MEIS2: variants seen among roughly 807,000 people sequenced by gnomAD.
MEIS2 encodes the protein Meis homeobox 2.
A neutral mutation model predicts 58.6 loss-of-function variants in MEIS2; 9 were observed. The observed-to-expected ratio is 0.15, with a 90% CI of 0.09 to 0.27. The LOEUF (loss-of-function observed/expected upper bound fraction) is 0.27, where lower values mean the gene tolerates loss of function less well. MEIS2 is among the 10% of genes least tolerant of loss of function. MEIS2 has a pLI of 1.00. For synonymous variants in MEIS2, 221 were observed against 228.4 expected, an observed-to-expected ratio of 0.97 and a Z score of 0.29; for missense variants, 427 against 635.0, an observed-to-expected ratio of 0.67 and a Z score of 3.52.
intron 7 of MEIS2, among the ~76,000 whole-genome samples, chr15:37,068,017 C>T (rs554018137): frequency 6.6e-6 from 1 of 152,264 alleles, no homozygotes; most frequent in South Asian, 2.1e-4. Flanking sequence ...CAACCCAGCA[C>T]ATAGATCTTC....
intron 9 of MEIS2, chr15:36,904,088 A>C (rs898842860): frequency 6.6e-5 from 10 of 151,710 alleles, no homozygotes; most frequent in Non-Finnish European, 1.3e-4. Context: ...CAAAAATGTC[A>C]CTCCTTTGAT....
At chr15:37,015,102 C>T (rs184578534) in intron 8 of MEIS2, among the ~76,000 whole-genome samples, 130 of 152,340 alleles carry the variant, frequency 8.5e-4, no homozygotes, top group African/African-American at 2.7e-3. Context: ...TTTAGCGGAA[C>T]GCTATGCCAT....
intron 6 of MEIS2, among the ~76,000 whole-genome samples, chr15:37,088,951 A>G (rs921943359): frequency 4.6e-5 from 7 of 152,342 alleles, no homozygotes; most frequent in East Asian, 1.9e-4. Flanking sequence ...GTGGTTGTCA[A>G]TTACAACCTT....
rs986781443 is a variant in MEIS2 at position 36,890,935 on chromosome 15, C to T, written c.*1238G>A. Reference sequence around the variant, plus strand: ...ATTGATGAGTTTAAAATATACTCAACTGCTGGGGGGAAAAACCTACTTTTA... The same window carrying T: ...ATTGATGAGTTTAAAATATACTCAATTGCTGGGGGGAAAAACCTACTTTTA... On this transcript the variant is annotated 3_prime_UTR_variant, in exon 12 of 12. Transcript: ENST00000561208. 1 of 152,442 alleles carries T rather than the reference C, an allele frequency of 6.6e-6. No individual in the cohort carries two copies. The highest frequency in any genetic ancestry group is 2.4e-5 in the African/African-American group (1 of 41,438). The allele number at this position is 152,442 out of a possible 1,614,324, so 9.4% of individuals were successfully genotyped here.
chr15:36,972,030 A>G (rs1385259709), intron 8 of MEIS2, among the ~76,000 whole-genome samples: 1 of 152,252 alleles, frequency 6.6e-6, no homozygotes, highest in Non-Finnish European at 1.5e-5. Context: ...AGACATTGCA[A>G]TATCAATAGG....
chr15:36,979,075 C>G (rs541528790), intron 8 of MEIS2, among the ~76,000 whole-genome samples: 1 of 152,222 alleles, frequency 6.6e-6, no homozygotes, highest in Admixed American at 6.5e-5. Context: ...ACTTGAACTG[C>G]TCCACAATTT....
intron 6 of MEIS2, among the ~76,000 whole-genome samples, chr15:37,089,900 G>A (rs1893313741): frequency 6.6e-6 from 1 of 152,080 alleles, no homozygotes; most frequent in East Asian, 1.9e-4. Context: ...ATCTAAAATT[G>A]TGTAAAATAG....
At chr15:36,937,758 A>C (rs1185054138) in intron 9 of MEIS2, among the ~76,000 whole-genome samples, 1 of 152,170 alleles carries the variant, frequency 6.6e-6, no homozygotes, top group African/African-American at 2.4e-5. Flanking sequence ...AGGATGCTAC[A>C]AAGAGAAACA....
At chr15:37,055,846 T>G (rs1308736500) in intron 7 of MEIS2, among the ~76,000 whole-genome samples, 1 of 152,224 alleles carries the variant, frequency 6.6e-6, no homozygotes, top group Non-Finnish European at 1.5e-5. Context: ...GTTATTTAGG[T>G]GCTGCGGAAG....
chr15:37,098,040 G>T lies in MEIS2; in HGVS notation c.172C>A (p.Pro58Thr), dbSNP rs1397317991. The change falls in exon 2 of 12, where the codon CCC becomes ACC. Residue 58 changes from proline (P) to threonine (T), a missense_variant. Physicochemically the swap from Pro to Thr is conservative, Grantham distance 38. Coordinates refer to ENST00000561208, the MANE Select transcript of MEIS2 (RefSeq NM_170675.5). ...TQHYGAHAPHPNVMPASMGSA... is the reference protein window; with the variant it reads ...TQHYGAHAPHTNVMPASMGSA... ...CCCATACTGGCCGGCATGACATTGGGGTGCGGGGCGTGCGCGCCGTAGTGC... is the reference window on the plus strand; with the variant it reads ...CCCATACTGGCCGGCATGACATTGGTGTGCGGGGCGTGCGCGCCGTAGTGC... The T allele has an allele frequency of 1.2e-6, 2 of 1,613,326 alleles. No individual in the cohort carries two copies. Among genetic ancestry groups the T allele is most frequent in the Non-Finnish European group, 1.7e-6 (2 of 1,179,522 alleles).
intron 11 of MEIS2, chr15:36,894,731 G>A: frequency 6.2e-7 from 1 of 1,612,742 alleles, no homozygotes; most frequent in Non-Finnish European, 8.5e-7. Flanking sequence ...CCCTTGCTTT[G>A]CGATTGCTTT....
At chr15:37,077,122 A>C (rs1292220584) in intron 7 of MEIS2, among the ~76,000 whole-genome samples, 1 of 152,102 alleles carries the variant, frequency 6.6e-6, no homozygotes, top group Non-Finnish European at 1.5e-5. Context: ...CAAACTTTCA[A>C]ATTTGACACG....
At chr15:36,996,021 G>A (rs1335099675) in intron 8 of MEIS2, among the ~76,000 whole-genome samples, 3,444 of 70,836 alleles carry the variant, frequency 0.049, 99 homozygotes, top group Admixed American at 0.16. Context: ...ATATACATAT[G>A]TGTATATATA....
intron 8 of MEIS2, among the ~76,000 whole-genome samples, chr15:37,031,863 G>A (rs530250134): frequency 1.3e-5 from 2 of 149,472 alleles, no homozygotes; most frequent in Admixed American, 1.3e-4. Flanking sequence ...GTGTGTGTCT[G>A]GGTTTCATTC....
chr15:37,016,312 G>A (rs542074778), intron 8 of MEIS2, among the ~76,000 whole-genome samples: 6 of 143,806 alleles, frequency 4.2e-5, no homozygotes, highest in South Asian at 2.3e-4. Context: ...TCCAGTTTTT[G>A]TTCTTTTTTC....
chr15:37,098,295 C>A, intron 1 of MEIS2, 96 bp from the exon 2 acceptor site: 1 of 1,347,464 alleles, frequency 7.4e-7, no homozygotes, highest in Non-Finnish European at 9.6e-7. Context: ...AGAGGGCGAA[C>A]AGAAAAGAGA....
chr15:37,009,459 TAAGCTGAAGCC>T, intron 8 of MEIS2, among the ~76,000 whole-genome samples: 1 of 152,362 alleles, frequency 6.6e-6, no homozygotes, highest in Non-Finnish European at 1.5e-5. Context: ...TTTGTCCTGT[TAAGCTGAAGCC>T]AATGTTTATT....
At chr15:36,921,319 G>T (rs2057497700) in intron 9 of MEIS2, among the ~76,000 whole-genome samples, 1 of 152,190 alleles carries the variant, frequency 6.6e-6, no homozygotes, top group South Asian at 2.1e-4. Flanking sequence ...GAAATGATCA[G>T]TTCCAATAGA....
chr15:37,020,911 C>G (rs1042895433), intron 8 of MEIS2, among the ~76,000 whole-genome samples: 1 of 152,046 alleles, frequency 6.6e-6, no homozygotes, highest in Non-Finnish European at 1.5e-5. Flanking sequence ...GAAACCCCAG[C>G]CTCCATATGA....
Sources: gnomAD v4.1 joint callset for allele counts (sites outside exome capture counted in the v4.1 genomes callset) on GRCh38, gnomAD v4.1.1 for gene constraint, MANE v1.5 for transcripts, NCBI Gene and HGNC (gene_info 2026-07-23, HGNC 2026-07-21) for gene names.